The following APMAP variants were observed in gnomAD, a reference collection of about 807,000 sequenced individuals.
The protein encoded by APMAP is adipocyte plasma membrane-associated protein.
Under a neutral mutation model 43.6 loss-of-function variants are expected in APMAP, and 33 were observed. That is an observed-to-expected ratio of 0.76 (90% confidence interval 0.57 to 1.01). The LOEUF (loss-of-function observed/expected upper bound fraction) is 1.01, where lower values mean the gene tolerates loss of function less well. APMAP is among the 50% of genes least tolerant of loss of function. APMAP has a pLI of 0.00. For synonymous variants in APMAP, 224 were observed against 216.7 expected, an observed-to-expected ratio of 1.03 and a Z score of -0.30; for missense variants, 498 against 540.7, an observed-to-expected ratio of 0.92 and a Z score of 0.78.
chr20:24,968,796 T>C lies in APMAP; in HGVS notation c.1041+96A>G, dbSNP rs572900846. Reference sequence around the variant, plus strand: ...CTAAGTGTCATTCAGAGCCAAATACTACAAGCAGAACTAGATTTTTAAGCT... The same window carrying C: ...CTAAGTGTCATTCAGAGCCAAATACCACAAGCAGAACTAGATTTTTAAGCT... On this transcript the variant is annotated intron_variant, in intron 8 of 8. Coordinates refer to ENST00000217456, the MANE Select transcript of APMAP (RefSeq NM_020531.3). 115 of 1,265,602 alleles carry C rather than the reference T, an allele frequency of 9.1e-5. 1 individual carries two copies. The Admixed American group carries it at 3.1e-3, about 34-fold the overall frequency. 78.4% of individuals were successfully genotyped at this position (1,265,602 alleles called of 1,614,324 possible). A position where few individuals can be genotyped will look rare whatever the true frequency, so the allele number is the denominator to read the frequency against.
At chr20:24,969,179 A>G (rs1036219198) in intron 7 of APMAP, 95 bp from the exon 8 acceptor site, 10 of 1,244,942 alleles carry the variant, frequency 8.0e-6, no homozygotes, top group Non-Finnish European at 9.9e-6. Flanking sequence ...GTCCAAATAT[A>G]TATATGGAAA....
intron 8 of APMAP, among the ~76,000 whole-genome samples, chr20:24,968,336 G>A (rs775835640): frequency 6.6e-5 from 10 of 152,232 alleles, no homozygotes; most frequent in Non-Finnish European, 1.5e-4. Context: ...GGTGTGGTAA[G>A]AGGTCAAAGG....
chr20:24,969,755 C>T (rs756751905), intron 6 of APMAP, 95 bp from the exon 7 acceptor site: 2 of 1,459,374 alleles, frequency 1.4e-6, no homozygotes, highest in Non-Finnish European at 1.8e-6. Flanking sequence ...GACTCCGCCT[C>T]ACCCCGGAGC....
chr20:24,990,646 G>A (rs2088183779), intron 1 of APMAP, among the ~76,000 whole-genome samples: 1 of 151,988 alleles, frequency 6.6e-6, no homozygotes, highest in East Asian at 1.9e-4. Flanking sequence ...CCTTTACTTC[G>A]CCCACTATAC....
intron 7 of APMAP, 34 bp downstream of exon 7, chr20:24,969,492 C>T (rs748124283): frequency 1.3e-6 from 2 of 1,587,908 alleles, no homozygotes; most frequent in Admixed American, 3.4e-5. Flanking sequence ...GCGCTCTGGC[C>T]AGTAACTGAT....
intron 4 of APMAP, among the ~76,000 whole-genome samples, chr20:24,971,818 T>C (rs2088003976): frequency 1.3e-5 from 2 of 150,614 alleles, no homozygotes; most frequent in Admixed American, 1.3e-4. Context: ...GGGTGTTCAC[T>C]GTGGGGTGTT....
rs6083703 is a variant in APMAP, at chr20:24,978,749, A to T, written c.328+18T>A. 4 of 1,213,272 alleles carry T rather than the reference A, an allele frequency of 3.3e-6. No homozygotes were observed. The highest frequency in any genetic ancestry group is 2.1e-5 in the African/African-American group (1 of 48,350). The allele number at this position is 1,213,272 out of a possible 1,614,324, so 75.2% of individuals were successfully genotyped here. ...AGACAGCCTGGAAGGCTCCCCCCCC[A>T]CCCAAGCTTAGACTTACCCCCAATA... is the stretch of plus-strand genomic sequence containing the variant. On this transcript the variant is annotated intron_variant, in intron 3 of 8. Transcript: ENST00000217456.
rs1555845629 is a variant in APMAP at position 24,978,750 on chromosome 20, C to CCCAA, written c.328+13_328+16dup. On this transcript the variant is annotated intron_variant, in intron 3 of 8. Transcript: ENST00000217456. Reference sequence around the variant, plus strand: ...GACAGCCTGGAAGGCTCCCCCCCCACCCAAGCTTAGACTTACCCCCAATAT... The same window carrying CCCAA: ...GACAGCCTGGAAGGCTCCCCCCCCACCCAACCAAGCTTAGACTTACCCCCAATAT... 7 of 1,408,774 alleles carry CCCAA rather than the reference C, an allele frequency of 5.0e-6. No homozygotes were observed. Among genetic ancestry groups the CCCAA allele is most frequent in the Non-Finnish European group, 3.9e-6 (4 of 1,020,516 alleles). The allele number at this position is 1,408,774 out of a possible 1,614,324, so 87.3% of individuals were successfully genotyped here. A position where few individuals can be genotyped will look rare whatever the true frequency, so the allele number is the denominator to read the frequency against.
chr20:24,982,261 TGTTGGCTGTG>T (rs1263447439), intron 2 of APMAP, among the ~76,000 whole-genome samples: 1 of 93,532 alleles, frequency 1.1e-5, no homozygotes, highest in Non-Finnish European at 2.1e-5. Flanking sequence ...GAGAGGTCCC[TGTTGGCTGTG>T]ATGGTTCCAC....
intron 2 of APMAP, among the ~76,000 whole-genome samples, chr20:24,979,329 G>A (rs1447952816): frequency 1.3e-5 from 2 of 152,194 alleles, no homozygotes; most frequent in Non-Finnish European, 2.9e-5. Flanking sequence ...AGGAGCAAGG[G>A]GAGACCTTCC....
At chr20:24,976,941 T>G (rs929083271) in intron 3 of APMAP, among the ~76,000 whole-genome samples, 11 of 152,232 alleles carry the variant, frequency 7.2e-5, no homozygotes, top group African/African-American at 2.7e-4. Context: ...AAAGGCTACA[T>G]ACTGTATGAG....
At chr20:24,983,216 T>C (rs1238926069) in intron 2 of APMAP, among the ~76,000 whole-genome samples, 2 of 152,248 alleles carry the variant, frequency 1.3e-5, no homozygotes, top group Non-Finnish European at 2.9e-5. Flanking sequence ...GGTATAATTC[T>C]TGTCTGAAGT....
intron 4 of APMAP, 131 bp from the exon 5 acceptor site, chr20:24,971,707 A>G (rs2088002621): frequency 6.3e-6 from 5 of 799,302 alleles, no homozygotes; most frequent in Non-Finnish European, 1.1e-5. Flanking sequence ...CCATGGCATT[A>G]GAGCTACAAC....
chr20:24,990,513 T>C (rs949900064), intron 1 of APMAP, among the ~76,000 whole-genome samples: 1 of 152,208 alleles, frequency 6.6e-6, no homozygotes, highest in Admixed American at 6.5e-5. Flanking sequence ...ACTGCTAAAA[T>C]CTATGTCTTA....
At chr20:24,966,887 G>A (rs981040794) in intron 8 of APMAP, among the ~76,000 whole-genome samples, 1 of 152,208 alleles carries the variant, frequency 6.6e-6, no homozygotes, top group African/African-American at 2.4e-5. Context: ...TCAGGCATCT[G>A]CAGTGAGTGA....
At position 24,970,199 on chromosome 20, in the gene APMAP, C is replaced by T. The variant is rs61732133; in HGVS notation, c.711G>A (p.Gly237=). 8,710 of 1,614,112 alleles carry T rather than the reference C, an allele frequency of 5.4e-3. 401 individuals are homozygous for T. In the African/African-American group the frequency reaches 0.1, roughly 19 times the overall value. Residue 237 remains glycine, a splice_region_variant and synonymous_variant, in exon 6 of 9, where the codon GGG becomes GGA. Coordinates refer to ENST00000217456, the MANE Select transcript of APMAP (RefSeq NM_020531.3). ...GGAGACCTGGAGCAAGGCCTCACCG[C>T]CCGTCATCTGTGCCCTCCATCACCA... ...LLLVMEGTDD[G]RLLEYDTVTR... is the part of the protein sequence containing the mutation.
At chr20:24,976,479 AAAC>A (rs1341943437) in intron 3 of APMAP, among the ~76,000 whole-genome samples, 2 of 152,224 alleles carry the variant, frequency 1.3e-5, no homozygotes, top group African/African-American at 4.8e-5. Context: ...ATGCAAATTA[AAAC>A]AACGAGACAC....
At chr20:24,973,770 TG>T (rs774579141) in intron 3 of APMAP, 33 bp from the exon 4 acceptor site, 4 of 1,595,032 alleles carry the variant, frequency 2.5e-6, no homozygotes, top group Non-Finnish European at 3.4e-6. Context: ...GGAAGAGCAA[TG>T]TTAGCCTAAG....
Position 24,971,540 on chromosome 20 carries a change from A to C in APMAP, c.458T>G (p.Leu153Arg), listed in dbSNP as rs2088000642. 6.2e-7 allele frequency: 1 copy of C among 1,614,208 alleles called. No homozygotes were observed. Among genetic ancestry groups the C allele is most frequent in the Non-Finnish European group, 8.5e-7 (1 of 1,180,022 alleles). Residue 153 changes from leucine to arginine, a missense_variant, in exon 5 of 9, where the codon CTG (leucine) becomes CGG (arginine). Physicochemically the swap from Leu to Arg is moderately radical, Grantham distance 102. Transcript: ENST00000217456. Reference protein sequence around the residue: ...RDDEPVCGRPLGIRAGPNGTL... With the variant: ...RDDEPVCGRPRGIRAGPNGTL... ...CCCATTGGGCCCTGCACGGATACCC[A>C]GGGGTCTCCCACACACAGGCTCATC...
Sources: allele counts gnomAD v4.1 joint callset (sites outside exome capture counted in the v4.1 genomes callset), GRCh38; gene constraint gnomAD v4.1.1; transcripts MANE v1.5; gene names NCBI Gene and HGNC (gene_info 2026-07-23, HGNC 2026-07-21).